LMAN1: variants seen among roughly 807,000 people sequenced by gnomAD.
LMAN1 encodes lectin, mannose binding 1.
LMAN1 carries 32 observed loss-of-function variants against 67.8 expected under a neutral mutation model. The ratio of observed to expected loss-of-function variants is 0.47; its 90% CI spans 0.36 to 0.63. The LOEUF is 0.63. Ranked by LOEUF, LMAN1 falls within the 30% of genes least tolerant of loss-of-function variation. The pLI is 0.00. For missense variants in LMAN1, 632 were observed against 628.2 expected, an observed-to-expected ratio of 1.01 and a Z score of -0.06; for synonymous variants, 235 against 219.3, an observed-to-expected ratio of 1.07 and a Z score of -0.63.
At chr18:59,331,214 C>T in intron 12 of LMAN1, 85 bp from the exon 13 acceptor site, 2 of 1,216,114 alleles carry the variant, frequency 1.6e-6, no homozygotes, top group Non-Finnish European at 2.4e-6. Flanking sequence ...ATTAAAATAT[C>T]AATGCCTTTT....
chr18:59,342,152 T>C lies in LMAN1; in HGVS notation c.956-3199A>G, dbSNP rs532796714. 7.9e-5 allele frequency among the ~76,000 whole-genome samples: 12 copies of C among 151,812 alleles called. No homozygotes were observed. In the South Asian group the frequency reaches 2.5e-3, roughly 32 times the overall value. On this transcript the variant is annotated intron_variant, in intron 8 of 12. Coordinates refer to ENST00000251047, the MANE Select transcript of LMAN1 (RefSeq NM_005570.4). ...GGAAGAAACAGAACTCCTGAACAGA[T>C]CAATAATGAGTAGCAAGACTGAATC...
At chr18:59,344,446 T>C (rs771671082) in intron 8 of LMAN1, among the ~76,000 whole-genome samples, 4 of 152,096 alleles carry the variant, frequency 2.6e-5, no homozygotes, top group Admixed American at 2.0e-4. Flanking sequence ...TGTGTGTATA[T>C]ATGTATGTAT....
intron 5 of LMAN1, chr18:59,352,814 T>C (rs181835868): frequency 3.3e-6 from 1 of 306,964 alleles, no homozygotes; most frequent in South Asian, 3.1e-5. Context: ...GAATGATACA[T>C]TTGTGTGTCC....
At chr18:59,357,503 G>GAA (rs1908686486) in intron 1 of LMAN1, among the ~76,000 whole-genome samples, 1 of 150,622 alleles carries the variant, frequency 6.6e-6, no homozygotes, top group African/African-American at 2.5e-5. Flanking sequence ...ACTTGTGTTT[G>GAA]ATATCATTTG....
chr18:59,333,360 AAAC>A, intron 10 of LMAN1, 116 bp from the exon 11 acceptor site: 1 of 770,646 alleles, frequency 1.3e-6, no homozygotes, highest in Non-Finnish European at 2.1e-6. Context: ...TTAAAAAAAA[AAAC>A]AGGTAAAGTA....
chr18:59,337,188 A>G (rs2144213394), intron 10 of LMAN1, among the ~76,000 whole-genome samples: 1 of 148,524 alleles, frequency 6.7e-6, no homozygotes, highest in South Asian at 2.1e-4. Context: ...ATTATATAAC[A>G]TATTATAATA....
chr18:59,354,617 AT>A, intron 3 of LMAN1, 37 bp from the exon 4 acceptor site: 2 of 1,052,492 alleles, frequency 1.9e-6, no homozygotes, highest in Non-Finnish European at 2.9e-6. Context: ...AATGTCTTTA[AT>A]CAAAGCATTC....
At position 59,338,923 on chromosome 18, in the gene LMAN1, C is replaced by T. The variant is rs538087229; in HGVS notation, c.986G>A (p.Arg329Gln). 2.6e-5 allele frequency: 42 copies of T among 1,613,124 alleles called. No homozygotes were observed. The highest frequency in any genetic ancestry group is 4.4e-5 in the South Asian group (4 of 91,056). ...TCCTTCAAAGACTTGTCTTAGCTCT[C>T]GATCTCCTACACTCTCAAATATTTC... is the stretch of plus-strand genomic sequence containing the variant. The part of the protein sequence containing the change: ...AEEIFESVGD[R>Q]ELRQVFEGQN... Residue 329 changes from arginine (R) to glutamine (Q), a missense_variant, in exon 9 of 13, where the codon CGA (arginine) becomes CAA (glutamine). Transcript: ENST00000251047.
chr18:59,358,367 T>C (rs572764507), intron 1 of LMAN1, among the ~76,000 whole-genome samples: 1 of 152,212 alleles, frequency 6.6e-6, no homozygotes, highest in African/African-American at 2.4e-5. Context: ...AAAAGTTACA[T>C]AATGTGTTAC....
At chr18:59,344,433 G>A (rs1908355211) in intron 8 of LMAN1, among the ~76,000 whole-genome samples, 1 of 151,698 alleles carries the variant, frequency 6.6e-6, no homozygotes, top group African/African-American at 2.4e-5. Context: ...AATGTGGCGT[G>A]TGTGTGTGTA....
At chr18:59,354,743 T>A (rs2144232559) in intron 3 of LMAN1, among the ~76,000 whole-genome samples, 163 bp from the exon 4 acceptor site, 1 of 152,314 alleles carries the variant, frequency 6.6e-6, no homozygotes, top group East Asian at 1.9e-4. Context: ...TTTAAATTGC[T>A]AACAATAACC....
At chr18:59,338,473 C>T in intron 10 of LMAN1, 84 bp downstream of exon 10, 2 of 1,023,532 alleles carry the variant, frequency 2.0e-6, no homozygotes, top group East Asian at 2.5e-5. Context: ...AGAAATCTTG[C>T]AATACAGTGC....
chr18:59,332,111 C>G (rs1203026742), intron 11 of LMAN1, among the ~76,000 whole-genome samples: 2 of 152,106 alleles, frequency 1.3e-5, no homozygotes, highest in Non-Finnish European at 2.9e-5. Flanking sequence ...ATACCAGGAA[C>G]AAAGACTTCA....
At chr18:59,333,286 G>A in intron 10 of LMAN1, 42 bp from the exon 11 acceptor site, 1 of 1,323,332 alleles carries the variant, frequency 7.6e-7, no homozygotes, top group East Asian at 3.0e-5. Flanking sequence ...TCACTATAAA[G>A]TTTTTTTTTT....
chr18:59,353,325 C>T (rs1381467431), intron 4 of LMAN1, 24 bp from the exon 5 acceptor site: 1 of 1,495,278 alleles, frequency 6.7e-7, no homozygotes, highest in East Asian at 2.3e-5. Context: ...GGGAGGAAAA[C>T]AGACAAGACA....
At position 59,355,371 on chromosome 18, in the gene LMAN1, G is replaced by A; in HGVS notation, c.419C>T (p.Ser140Leu). ...NQGLEGPVFG[S>L]ADLWNGVGIF... ...TCCAACACCATTCCACAGATCAGCT[G>A]ATCCAAACACAGGGCCCTCCAAGCC... is the stretch of plus-strand genomic sequence containing the variant. The change falls in exon 3 of 13, where the codon TCA becomes TTA. Residue 140 changes from serine (S) to leucine (L), a missense_variant. Ser to Leu is a moderately radical substitution (Grantham distance 145). Transcript: ENST00000251047. 6.2e-7 allele frequency: 1 copy of A among 1,614,058 alleles called. No homozygotes were observed. Among genetic ancestry groups the A allele is most frequent in the Non-Finnish European group, 8.5e-7 (1 of 1,179,956 alleles).
chr18:59,339,469 C>T (rs528196302), intron 8 of LMAN1, among the ~76,000 whole-genome samples: 1 of 152,166 alleles, frequency 6.6e-6, no homozygotes, highest in Admixed American at 6.5e-5. Flanking sequence ...CAGGGCCCTG[C>T]AGTCCAAAAT....
At chr18:59,339,016 G>A (rs1041089706) in intron 8 of LMAN1, 63 bp from the exon 9 acceptor site, 13 of 1,443,632 alleles carry the variant, frequency 9.0e-6, no homozygotes, top group African/African-American at 2.8e-5. Context: ...TTGAAATAAC[G>A]TAAGTGACCA....
intron 12 of LMAN1, 110 bp downstream of exon 12, chr18:59,331,303 AAACTT>A (rs1441625308): frequency 8.3e-7 from 1 of 1,210,522 alleles, no homozygotes; most frequent in Non-Finnish European, 1.2e-6. Flanking sequence ...AAATCACAAT[AAACTT>A]AATTTTATAG....
Sources: allele counts gnomAD v4.1 joint callset (sites outside exome capture counted in the v4.1 genomes callset), GRCh38; gene constraint gnomAD v4.1.1; transcripts MANE v1.5; gene names NCBI Gene and HGNC (gene_info 2026-07-23, HGNC 2026-07-21).